The following RBM48 variants were observed in gnomAD, a reference collection of about 807,000 sequenced individuals.
The protein encoded by RBM48 is RNA-binding protein 48.
In RBM48, 32 loss-of-function variants were observed where a neutral mutation model predicts 34.8. The ratio of observed to expected loss-of-function variants is 0.92; its 90% CI spans 0.69 to 1.23. The LOEUF (loss-of-function observed/expected upper bound fraction) is 1.23. RBM48 is among the 50% of genes most tolerant of loss of function. The pLI, the probability that RBM48 is intolerant of heterozygous loss-of-function variation, is 0.00. For synonymous variants in RBM48, 151 were observed against 156.2 expected, an observed-to-expected ratio of 0.97 and a Z score of 0.25; for missense variants, 441 against 447.2, an observed-to-expected ratio of 0.99 and a Z score of 0.12.
intron 2 of RBM48, among the ~76,000 whole-genome samples, chr7:92,530,731 T>C (rs1461606100): frequency 1.3e-5 from 2 of 150,254 alleles, no homozygotes; most frequent in African/African-American, 4.9e-5. Flanking sequence ...ACCCAGAAAG[T>C]GGAGGTTGCA....
At position 92,534,768 on chromosome 7, in the gene RBM48, A is replaced by G. The variant is rs1793665412; in HGVS notation, c.815A>G (p.Asp272Gly). Residue 272 changes from aspartate (D) to glycine (G), a missense_variant, in exon 4 of 5, where the codon GAC becomes GGC. Physicochemically the swap from Asp to Gly is moderately conservative, Grantham distance 94 (BLOSUM62 -1). Transcript: ENST00000265732. ...QKAITSSEAVDRFMPRTTQLQ... is the reference protein window; with the variant it reads ...QKAITSSEAVGRFMPRTTQLQ... ...GCTATTACGTCTTCAGAGGCAGTTG[A>G]CAGATTTATGCCTAGGACAACACAA... is the stretch of plus-strand genomic sequence containing the variant. The G allele has an allele frequency of 1.2e-6, 2 of 1,614,084 alleles. No individual in the cohort carries two copies. The highest frequency in any genetic ancestry group is 1.1e-5 in the South Asian group (1 of 91,082).
At chr7:92,532,895 A>G (rs1027762031) in intron 3 of RBM48, among the ~76,000 whole-genome samples, 1 of 152,272 alleles carries the variant, frequency 6.6e-6, no homozygotes, top group Non-Finnish European at 1.5e-5. Flanking sequence ...TTTAATTAAT[A>G]CAGTATAACC....
intron 1 of RBM48, chr7:92,529,257 G>A (rs552565237): frequency 1.7e-6 from 1 of 574,582 alleles, no homozygotes; most frequent in East Asian, 2.9e-5. Context: ...GGAAAAAAAT[G>A]TCGACTGAAG....
intron 2 of RBM48, among the ~76,000 whole-genome samples, 181 bp from the exon 3 acceptor site, chr7:92,532,223 C>G (rs1793591876): frequency 6.6e-6 from 1 of 152,172 alleles, no homozygotes; most frequent in Non-Finnish European, 1.5e-5. Context: ...CGAGTACATA[C>G]TCGATCAATG....
At position 92,539,547 on chromosome 7, in the gene RBM48, C is replaced by G. The variant is rs761736236; in HGVS notation, c.*2610C>G. On this transcript the variant is annotated 3_prime_UTR_variant, in exon 5 of 5. Coordinates refer to ENST00000265732, the MANE Select transcript of RBM48 (RefSeq NM_032120.4). Reference sequence around the variant, plus strand: ...TGAAACTCCATCTCTACAAAAAATACAAAAAGCCAGGCGTGGTGGCAAATG... The same window carrying G: ...TGAAACTCCATCTCTACAAAAAATAGAAAAAGCCAGGCGTGGTGGCAAATG... Among the ~76,000 whole-genome samples, 27 of 152,126 alleles carry G rather than the reference C, an allele frequency of 1.8e-4. No individual in the cohort carries two copies. Among genetic ancestry groups the G allele is most frequent in the Non-Finnish European group, 2.9e-5 (2 of 68,014 alleles).
At chr7:92,535,917 T>C (rs2116330398) in intron 4 of RBM48, 2 of 661,870 alleles carry the variant, frequency 3.0e-6, no homozygotes, top group African/African-American at 2.0e-5. Context: ...AGCAGATTGC[T>C]TGAGCCCAGG....
rs371113850 is a variant in RBM48, at chr7:92,529,586, G to A, written c.222G>A (p.Gln74=). The change falls in exon 2 of 5, where the codon CAG becomes CAA. Residue 74 remains glutamine (Q), a synonymous_variant. Coordinates refer to ENST00000265732, the MANE Select transcript of RBM48 (RefSeq NM_032120.4). ...ERFALYGAIE[Q]YNALDEYPAE... ...TCGCTTTATATGGTGCAATTGAACA[G>A]TACAATGCTCTAGATGAATACCCAG... The A allele has an allele frequency of 4.8e-5, 77 of 1,610,890 alleles. 1 individual carries two copies. The African/African-American group carries it at 7.9e-4, about 16-fold the overall frequency.
At chr7:92,529,966 C>T (rs1297582386) in intron 2 of RBM48, among the ~76,000 whole-genome samples, 4 of 150,526 alleles carry the variant, frequency 2.7e-5, no homozygotes, top group Non-Finnish European at 4.4e-5. Context: ...ATCACGAGGT[C>T]AGGAGTTTGA....
rs960035175 is a variant in RBM48, at chr7:92,538,333, TGGG to T, written c.*1400_*1402del. On this transcript the variant is annotated 3_prime_UTR_variant, in exon 5 of 5. Transcript: ENST00000265732. ...TCTATAGGCAACACATGGTTAGAGT[TGGG>T]GGGTTAATCTTTAACCTCAGGCCTG... Among the ~76,000 whole-genome samples, 19 of 152,246 alleles carry T rather than the reference TGGG, an allele frequency of 1.2e-4. No homozygotes were observed. Among genetic ancestry groups the T allele is most frequent in the African/African-American group, 4.1e-4 (17 of 41,546 alleles).
chr7:92,529,097 G>A, intron 1 of RBM48, 173 bp downstream of exon 1: 1 of 650,076 alleles, frequency 1.5e-6, no homozygotes, highest in Non-Finnish European at 2.8e-6. Context: ...CGACGCCTTT[G>A]GTCAAGTATT....
intron 2 of RBM48, among the ~76,000 whole-genome samples, chr7:92,531,326 A>G (rs1446923772): frequency 6.6e-6 from 1 of 152,220 alleles, no homozygotes; most frequent in Admixed American, 6.5e-5. Context: ...CCTTTCTGCA[A>G]ACTGACTCAG....
intron 4 of RBM48, chr7:92,535,441 C>T (rs910167623): frequency 3.0e-6 from 3 of 1,005,146 alleles, no homozygotes; most frequent in South Asian, 4.5e-5. Flanking sequence ...AAAATTAGGC[C>T]TCCAGGTATG....
chr7:92,529,860 T>C (rs566625318), intron 2 of RBM48, among the ~76,000 whole-genome samples, 194 bp downstream of exon 2: 9 of 152,152 alleles, frequency 5.9e-5, no homozygotes, highest in Non-Finnish European at 1.3e-4. Flanking sequence ...CTTAACAATT[T>C]AATGTCCTGT....
chr7:92,532,256 G>A (rs1428500362), intron 2 of RBM48, 148 bp from the exon 3 acceptor site: 1 of 669,268 alleles, frequency 1.5e-6, no homozygotes, highest in African/African-American at 1.8e-5. Context: ...TCCACAAGCA[G>A]AGCATCTTAA....
In RBM48 at chr7:92,529,626, G is replaced by C. The variant is rs1793493664; in HGVS notation, c.262G>C (p.Glu88Gln). 1.9e-6 allele frequency: 3 copies of C among 1,605,782 alleles called. No individual in the cohort carries two copies. The South Asian group carries it at 3.3e-5, about 18-fold the overall frequency. ...TGAATACCCAGCAGAAGACTTTACT[G>C]AAGTTTATCTTATTAAATTTATGAA... ...LDEYPAEDFTEVYLIKFMNLQ... is the reference protein window; with the variant it reads ...LDEYPAEDFTQVYLIKFMNLQ... Residue 88 changes from glutamate to glutamine, a missense_variant, in exon 2 of 5, where the codon GAA becomes CAA. Glu to Gln is a conservative substitution (Grantham distance 29). Coordinates refer to ENST00000265732, the MANE Select transcript of RBM48 (RefSeq NM_032120.4).
At chr7:92,530,544 G>A (rs893253931) in intron 2 of RBM48, among the ~76,000 whole-genome samples, 1 of 151,978 alleles carries the variant, frequency 6.6e-6, no homozygotes, top group Admixed American at 6.6e-5. Context: ...GCTCACACCT[G>A]TAATCCCAGC....
chr7:92,535,509 T>C, intron 4 of RBM48: 1 of 982,588 alleles, frequency 1.0e-6, no homozygotes, highest in South Asian at 4.7e-5. Flanking sequence ...CTAGGTAGTC[T>C]GTTTTTTTTT....
rs755253229 is a variant in RBM48, at chr7:92,528,896, G to A, written c.83G>A (p.Arg28Gln). The change falls in exon 1 of 5, where the codon CGA becomes CAA. Residue 28 changes from arginine to glutamine, a missense_variant. Physicochemically the swap from Arg to Gln is conservative, Grantham distance 43. Coordinates refer to ENST00000265732, the MANE Select transcript of RBM48 (RefSeq NM_032120.4). ...RAVCDTRAKY[R>Q]EGRRPRAVKV... is the part of the protein sequence containing the mutation. ...GTATGCGACACACGGGCCAAATATC[G>A]AGAGGGACGACGGCCTCGTGCTGTG... 14 of 1,613,894 alleles carry A rather than the reference G, an allele frequency of 8.7e-6. No individual in the cohort carries two copies. Among genetic ancestry groups the A allele is most frequent in the Non-Finnish European group, 1.7e-6 (2 of 1,179,950 alleles).
chr7:92,537,109 G>T lies in RBM48; in HGVS notation c.*172G>T. 2.0e-6 allele frequency: 1 copy of T among 489,486 alleles called. No homozygotes were observed. The highest frequency in any genetic ancestry group is 3.6e-6 in the Non-Finnish European group (1 of 276,692). The allele number at this position is 489,486 out of a possible 1,614,324, so 30.3% of individuals were successfully genotyped here. A position where few individuals can be genotyped will look rare whatever the true frequency, so the allele number is the denominator to read the frequency against. On this transcript the variant is annotated 3_prime_UTR_variant, in exon 5 of 5. Coordinates refer to ENST00000265732, the MANE Select transcript of RBM48 (RefSeq NM_032120.4). The stretch of plus-strand genomic sequence containing the variant: ...ATTTCTTTGTTTTTTGGGAGATGGA[G>T]TCTTGCTCTGTTGCCCAGGCTGGAA...
Sources: gnomAD v4.1 joint callset for allele counts (sites outside exome capture counted in the v4.1 genomes callset) on GRCh38, gnomAD v4.1.1 for gene constraint, MANE v1.5 for transcripts, NCBI Gene and HGNC (gene_info 2026-07-23, HGNC 2026-07-21) for gene names.